The following CCSER1 variants were observed in gnomAD, a reference collection of about 807,000 sequenced individuals.
CCSER1 encodes the protein serine-rich coiled-coil domain-containing protein 1.
A neutral mutation model predicts 82.0 loss-of-function variants in CCSER1; 41 were observed. The observed-to-expected ratio is 0.50, with a 90% CI of 0.39 to 0.65. The LOEUF is 0.65. Ranked by LOEUF, CCSER1 falls within the 30% of genes least tolerant of loss-of-function variation. CCSER1 has a pLI of 0.00. For missense variants in CCSER1, 1,119 were observed against 1,064.2 expected, an observed-to-expected ratio of 1.05 and a Z score of -0.72; for synonymous variants, 414 against 383.9, an observed-to-expected ratio of 1.08 and a Z score of -0.92.
chr4:91,463,078 C>A (rs1269170544), intron 10 of CCSER1, among the ~76,000 whole-genome samples: 1 of 152,132 alleles, frequency 6.6e-6, no homozygotes, highest in African/African-American at 2.4e-5. Context: ...GTCCCTGACC[C>A]CCTGAGTAGC....
chr4:91,412,663 C>T (rs1331777486), intron 10 of CCSER1, among the ~76,000 whole-genome samples: 2 of 152,018 alleles, frequency 1.3e-5, no homozygotes, highest in Non-Finnish European at 1.5e-5. Flanking sequence ...GCTCAAACCC[C>T]ACCAGACAAT....
chr4:91,079,759 G>C (rs1025015184), intron 9 of CCSER1, among the ~76,000 whole-genome samples: 7 of 152,014 alleles, frequency 4.6e-5, no homozygotes, highest in African/African-American at 1.7e-4. Context: ...ACAAAGCAGG[G>C]GTTGCCGTCC....
intron 3 of CCSER1, among the ~76,000 whole-genome samples, chr4:90,352,691 T>C (rs183569315): frequency 0.015 from 2,301 of 150,830 alleles, 77 homozygotes; most frequent in African/African-American, 0.052. Context: ...TATGTATATA[T>C]ACACACACAC....
chr4:91,413,678 A>G (rs999639353), intron 10 of CCSER1, among the ~76,000 whole-genome samples: 2 of 152,146 alleles, frequency 1.3e-5, no homozygotes, highest in African/African-American at 4.8e-5. Flanking sequence ...TAAGAAGGAC[A>G]TGGACATACA....
chr4:90,168,322 G>T (rs1304205705), intron 1 of CCSER1, among the ~76,000 whole-genome samples: 1 of 151,394 alleles, frequency 6.6e-6, no homozygotes, highest in Non-Finnish European at 1.5e-5. Context: ...TGATGGGGTT[G>T]TTTGTTTTTT....
At chr4:91,340,128 A>C (rs898172070) in intron 10 of CCSER1, among the ~76,000 whole-genome samples, 2 of 152,182 alleles carry the variant, frequency 1.3e-5, no homozygotes, top group Non-Finnish European at 2.9e-5. Flanking sequence ...AAAAACAAAA[A>C]AAGATTAATT....
chr4:90,549,233 T>G (rs1777160701), intron 5 of CCSER1, among the ~76,000 whole-genome samples: 1 of 152,202 alleles, frequency 6.6e-6, no homozygotes, highest in African/African-American at 2.4e-5. Context: ...ATTAATAACC[T>G]GTATCATAAT....
At chr4:90,352,689 T>TAC (rs200329432) in intron 3 of CCSER1, among the ~76,000 whole-genome samples, 2,093 of 151,818 alleles carry the variant, frequency 0.014, 63 homozygotes, top group African/African-American at 0.047. Flanking sequence ...TATATGTATA[T>TAC]ATACACACAC....
At chr4:90,343,200 A>G (rs1741734554) in intron 3 of CCSER1, among the ~76,000 whole-genome samples, 1 of 152,172 alleles carries the variant, frequency 6.6e-6, no homozygotes, top group Admixed American at 6.5e-5. Flanking sequence ...CAACTTGCTT[A>G]TCAAAGTCAT....
intron 5 of CCSER1, among the ~76,000 whole-genome samples, chr4:90,616,683 T>TCACACACACACA (rs56988615): frequency 8.3e-6 from 1 of 120,306 alleles, no homozygotes; most frequent in Non-Finnish European, 1.7e-5. Context: ...TGGCTCTGTC[T>TCACACACACACA]CACACACACA....
At chr4:91,391,550 C>T (rs763166921) in intron 10 of CCSER1, among the ~76,000 whole-genome samples, 7 of 152,140 alleles carry the variant, frequency 4.6e-5, no homozygotes, top group Non-Finnish European at 8.8e-5. Context: ...ATCTACCCGC[C>T]ATGTCCTCCC....
chr4:91,156,396 A>T (rs1730822350), intron 10 of CCSER1, among the ~76,000 whole-genome samples: 1 of 151,692 alleles, frequency 6.6e-6, no homozygotes, highest in Admixed American at 6.6e-5. Flanking sequence ...TTTTAAAAAA[A>T]TTTTACAACT....
At chr4:90,942,134 G>A (rs1731667771) in intron 9 of CCSER1, among the ~76,000 whole-genome samples, 1 of 152,010 alleles carries the variant, frequency 6.6e-6, no homozygotes, top group Non-Finnish European at 1.5e-5. Flanking sequence ...ATTTTTTGTA[G>A]AGATGGGGTT....
intron 10 of CCSER1, among the ~76,000 whole-genome samples, chr4:91,206,231 G>T: frequency 6.6e-6 from 1 of 151,848 alleles, no homozygotes. Context: ...TTTTGTGTTT[G>T]CTCCATCAAG....
In CCSER1 at chr4:90,228,885, A is replaced by G. The variant is rs188287740; in HGVS notation, c.-41-79359A>G. Reference sequence around the variant, plus strand: ...AAAGGGTATCAGCGATGGAAGATGAAGTGAATGAAATGAAGCAAGAAGGGA... The same window carrying G: ...AAAGGGTATCAGCGATGGAAGATGAGGTGAATGAAATGAAGCAAGAAGGGA... On this transcript the variant is annotated intron_variant, in intron 1 of 10. Coordinates refer to ENST00000509176, the MANE Select transcript of CCSER1 (RefSeq NM_001145065.2). Among the ~76,000 whole-genome samples, 27 of 152,322 alleles carry G rather than the reference A, an allele frequency of 1.8e-4. No individual in the cohort carries two copies. The East Asian group carries it at 5.2e-3, about 29-fold the overall frequency.
At chr4:90,466,753 G>A (rs1014725885) in intron 4 of CCSER1, among the ~76,000 whole-genome samples, 9 of 152,216 alleles carry the variant, frequency 5.9e-5, no homozygotes, top group Non-Finnish European at 1.5e-5. Context: ...TTTCTCTATT[G>A]TTGGTAATGC....
At chr4:91,170,675 CATT>C (rs1732655566) in intron 10 of CCSER1, among the ~76,000 whole-genome samples, 1 of 152,146 alleles carries the variant, frequency 6.6e-6, no homozygotes, top group South Asian at 2.1e-4. Context: ...AGTAGAAACT[CATT>C]GTATAAGATT....
At chr4:90,793,497 G>A (rs1426898329) in intron 7 of CCSER1, among the ~76,000 whole-genome samples, 2 of 152,040 alleles carry the variant, frequency 1.3e-5, no homozygotes, top group Admixed American at 6.6e-5. Flanking sequence ...TGCAAAGGAC[G>A]TAATCTTATT....
chr4:90,672,254 GC>G (rs1732934321), intron 6 of CCSER1, among the ~76,000 whole-genome samples: 1 of 151,966 alleles, frequency 6.6e-6, no homozygotes, highest in African/African-American at 2.4e-5. Flanking sequence ...CTGTTATTTA[GC>G]ATAGCCACCT....
Sources: gnomAD v4.1 joint callset for allele counts (sites outside exome capture counted in the v4.1 genomes callset) on GRCh38, gnomAD v4.1.1 for gene constraint, MANE v1.5 for transcripts, NCBI Gene and HGNC (gene_info 2026-07-23, HGNC 2026-07-21) for gene names.